CSMD1: variants seen among roughly 807,000 people sequenced by gnomAD.
CSMD1 encodes the protein CUB and sushi domain-containing protein 1.
Under a neutral mutation model 417.5 loss-of-function variants are expected in CSMD1, and 213 were observed. The ratio of observed to expected loss-of-function variants is 0.51; its 90% confidence interval spans 0.46 to 0.57. The LOEUF is 0.57. Ranked by LOEUF, CSMD1 falls within the 20% of genes least tolerant of loss-of-function variation. CSMD1 has a pLI of 0.00. For synonymous variants in CSMD1, 2,862 were observed against 1,736.8 expected (o/e 1.65, Z -16.11); for missense variants, 6,923 against 4,529.7 (o/e 1.53, Z -15.17).
intron 3 of CSMD1, among the ~76,000 whole-genome samples, chr8:4,291,167 C>T (rs1007406713): frequency 4.1e-4 from 62 of 151,910 alleles, no homozygotes; most frequent in Non-Finnish European, 7.9e-4. Context: ...TCTATATTCT[C>T]TTTAGTGTTG....
rs1024876767 is a variant in CSMD1, at chr8:3,926,365, T to C, written c.818+71538A>G. Among the ~76,000 whole-genome samples, 152 of 152,224 alleles carry C rather than the reference T, an allele frequency of 1.0e-3. 3 individuals are homozygous for C. The highest frequency in any genetic ancestry group is 8.7e-4 in the African/African-American group (36 of 41,550). On this transcript the variant is annotated intron_variant, in intron 5 of 69. Transcript: ENST00000635120. ...TTATCTTATCTTATTTTATGTTTTT[T>C]CACCAGAAACAGGAGGGCAGTAAGA...
intron 3 of CSMD1, among the ~76,000 whole-genome samples, chr8:4,075,611 ATCTATTATTGTAGTATAACTCACACTG>A: frequency 6.6e-6 from 1 of 152,196 alleles, no homozygotes; most frequent in Admixed American, 6.5e-5. Context: ...AGCGGAGTTA[ATCTATTATTGTAGTATAACTCACACTG>A]TGTTGGGGAA....
At chr8:4,028,420 G>C (rs766832743) in intron 4 of CSMD1, among the ~76,000 whole-genome samples, 4 of 152,124 alleles carry the variant, frequency 2.6e-5, no homozygotes, top group South Asian at 4.2e-4. Context: ...GGTGGTGGTA[G>C]TAGTAGCAGT....
chr8:4,625,613 C>A (rs1408411200), intron 2 of CSMD1, among the ~76,000 whole-genome samples: 10 of 151,970 alleles, frequency 6.6e-5, no homozygotes, highest in Admixed American at 2.0e-4. Flanking sequence ...ACAACATATC[C>A]CGTGCATTTA....
intron 1 of CSMD1, among the ~76,000 whole-genome samples, chr8:4,976,355 A>G (rs1810560003): frequency 6.6e-6 from 1 of 152,216 alleles, no homozygotes; most frequent in South Asian, 2.1e-4. Context: ...AATACATCTT[A>G]ACATAATTAT....
At chr8:3,974,033 G>C (rs1044393622) in intron 5 of CSMD1, among the ~76,000 whole-genome samples, 10 of 152,150 alleles carry the variant, frequency 6.6e-5, no homozygotes, top group African/African-American at 2.2e-4. Flanking sequence ...AAAATGTAGA[G>C]TGAAGTTATC....
intron 7 of CSMD1, among the ~76,000 whole-genome samples, chr8:3,625,762 A>C (rs1796460410): frequency 6.6e-6 from 1 of 152,176 alleles, no homozygotes; most frequent in Non-Finnish European, 1.5e-5. Flanking sequence ...TGATCTCAGT[A>C]GTTTTGAACA....
chr8:4,946,739 G>C (rs753309203), intron 1 of CSMD1, among the ~76,000 whole-genome samples: 5 of 152,176 alleles, frequency 3.3e-5, no homozygotes, highest in Non-Finnish European at 7.3e-5. Context: ...GTACAGTTCA[G>C]CATCAGTAGG....
chr8:4,960,847 G>T (rs1024184168), intron 1 of CSMD1, among the ~76,000 whole-genome samples: 9 of 152,160 alleles, frequency 5.9e-5, no homozygotes, highest in Admixed American at 2.0e-4. Context: ...TACATCATAA[G>T]TTATATAATA....
chr8:4,521,341 AG>A (rs1299470398), intron 2 of CSMD1, among the ~76,000 whole-genome samples: 1 of 152,184 alleles, frequency 6.6e-6, no homozygotes, highest in Non-Finnish European at 1.5e-5. Context: ...TGAGCTGGGA[AG>A]CCTTAAGAAC....
At chr8:3,625,554 G>T (rs572834519) in intron 7 of CSMD1, among the ~76,000 whole-genome samples, 91 of 151,856 alleles carry the variant, frequency 6.0e-4, no homozygotes, top group Non-Finnish European at 1.0e-3. Context: ...CAACTGCCAT[G>T]GTCTTAAATC....
At chr8:4,641,739 A>G (rs755977759) in intron 1 of CSMD1, among the ~76,000 whole-genome samples, 21 of 152,196 alleles carry the variant, frequency 1.4e-4, no homozygotes, top group Non-Finnish European at 2.4e-4. Context: ...ATCACAATAA[A>G]TACCTTAGAT....
chr8:3,121,454 G>T (rs138816407), intron 41 of CSMD1, among the ~76,000 whole-genome samples: 7 of 152,272 alleles, frequency 4.6e-5, no homozygotes, highest in African/African-American at 1.4e-4. Context: ...CCCCAGGGAC[G>T]AGAAGTGGGA....
At chr8:4,464,979 G>T (rs541114984) in intron 2 of CSMD1, among the ~76,000 whole-genome samples, 15 of 152,194 alleles carry the variant, frequency 9.9e-5, no homozygotes, top group African/African-American at 3.6e-4. Flanking sequence ...CCACCAGAAT[G>T]ACTTCTTTTT....
chr8:3,911,409 T>C (rs1808455560), intron 5 of CSMD1, among the ~76,000 whole-genome samples: 1 of 151,724 alleles, frequency 6.6e-6, no homozygotes, highest in Admixed American at 6.6e-5. Context: ...GCGCCTGTGA[T>C]CCCAGTTACT....
intron 3 of CSMD1, among the ~76,000 whole-genome samples, chr8:4,050,810 C>G (rs1798385724): frequency 6.6e-6 from 1 of 152,150 alleles, no homozygotes; most frequent in Non-Finnish European, 1.5e-5. Context: ...AATTTACCAT[C>G]TTTATCTCAA....
At chr8:3,294,233 A>C (rs1028182227) in intron 25 of CSMD1, among the ~76,000 whole-genome samples, 7 of 109,010 alleles carry the variant, frequency 6.4e-5, no homozygotes, top group African/African-American at 1.5e-4. Context: ...GTTGGCCCCT[A>C]CTGGGGGGTG....
At chr8:3,908,291 C>T (rs182238574) in intron 5 of CSMD1, among the ~76,000 whole-genome samples, 361 of 152,170 alleles carry the variant, frequency 2.4e-3, no homozygotes, top group Middle Eastern at 3.4e-3. Flanking sequence ...TTCCCAACAT[C>T]GCATATATCA....
chr8:4,421,601 A>G (rs1797251408), intron 2 of CSMD1, among the ~76,000 whole-genome samples: 1 of 152,138 alleles, frequency 6.6e-6, no homozygotes. Context: ...GGCCAAAGAG[A>G]AAGTCTCAAG....
Sources: gnomAD v4.1 joint callset for allele counts (sites outside exome capture counted in the v4.1 genomes callset) on GRCh38, gnomAD v4.1.1 for gene constraint, MANE v1.5 for transcripts, NCBI Gene and HGNC (gene_info 2026-07-23, HGNC 2026-07-21) for gene names.